The following SUCLG2 variants were observed in gnomAD, a reference collection of about 807,000 sequenced individuals.
SUCLG2 encodes the protein succinate--CoA ligase [GDP-forming] subunit beta, mitochondrial.
In SUCLG2, 42 loss-of-function variants were observed where a neutral mutation model predicts 47.9. The observed-to-expected ratio is 0.88, with a 90% CI of 0.69 to 1.14. The LOEUF is 1.14. Ranked by LOEUF, SUCLG2 falls within the 50% of genes most tolerant of loss-of-function variation. SUCLG2 has a pLI of 0.00. For missense variants in SUCLG2, 571 were observed against 525.9 expected (o/e 1.09, Z -0.84); for synonymous variants, 195 against 197.3 (o/e 0.99, Z 0.10).
chr3:67,535,328 T>C (rs1435875840), intron 2 of SUCLG2, among the ~76,000 whole-genome samples: 1 of 151,838 alleles, frequency 6.6e-6, no homozygotes, highest in Non-Finnish European at 1.5e-5. Flanking sequence ...AAAAGTGAGG[T>C]TGGAGGGTCC....
intron 9 of SUCLG2, among the ~76,000 whole-genome samples, chr3:67,477,469 C>A (rs1167640901): frequency 2.0e-5 from 3 of 152,086 alleles, no homozygotes; most frequent in Non-Finnish European, 2.9e-5. Context: ...CCGAGGCAGG[C>A]AGATAACTGG....
intron 6 of SUCLG2, chr3:67,514,446 C>A (rs949014302): frequency 4.0e-6 from 1 of 247,648 alleles, no homozygotes; most frequent in Non-Finnish European, 8.1e-6. Context: ...CATCAATATT[C>A]ACGTACGCCT....
At chr3:67,626,907 C>A (rs1406473287) in intron 1 of SUCLG2, among the ~76,000 whole-genome samples, 2 of 128,928 alleles carry the variant, frequency 1.6e-5, no homozygotes, top group Non-Finnish European at 3.2e-5. Context: ...GAGTGAGACT[C>A]CGTCTCAAAA....
chr3:67,418,083 C>T (rs1157385119), intron 9 of SUCLG2, among the ~76,000 whole-genome samples: 1 of 152,124 alleles, frequency 6.6e-6, no homozygotes, highest in Non-Finnish European at 1.5e-5. Flanking sequence ...ATCTCTGCAA[C>T]AAAAGCACTG....
intron 1 of SUCLG2, among the ~76,000 whole-genome samples, chr3:67,626,032 T>C (rs1400052541): frequency 6.6e-6 from 1 of 151,766 alleles, no homozygotes; most frequent in Non-Finnish European, 1.5e-5. Flanking sequence ...ACATTTTTTT[T>C]TTTTTTGAGA....
rs576354834 is a variant in SUCLG2, at chr3:67,615,009, T to C, written c.85-5413A>G. Among the ~76,000 whole-genome samples the C allele has an allele frequency of 1.4e-3, 217 of 152,296 alleles. 3 individuals are homozygous for C. Among genetic ancestry groups the C allele is most frequent in the African/African-American group, 5.1e-3 (211 of 41,554 alleles). On this transcript the variant is annotated intron_variant, in intron 1 of 10. Coordinates refer to ENST00000307227, the MANE Select transcript of SUCLG2 (RefSeq NM_003848.4). ...TACAATATCCTTGCCATCATTCCCT[T>C]CCTTCCTGCGTTTCTTTGATAGAGC...
At chr3:67,559,756 T>A (rs1707258873) in intron 2 of SUCLG2, among the ~76,000 whole-genome samples, 1 of 152,174 alleles carries the variant, frequency 6.6e-6, no homozygotes, top group African/African-American at 2.4e-5. Context: ...TCACAGAGAA[T>A]TTTCAGGGCA....
At chr3:67,577,238 T>A (rs116900331) in intron 2 of SUCLG2, among the ~76,000 whole-genome samples, 1 of 151,800 alleles carries the variant, frequency 6.6e-6, no homozygotes, top group African/African-American at 2.4e-5. Flanking sequence ...AACCCAGGAG[T>A]TGGAGGTTGC....
At chr3:67,380,551 C>A (rs769086532) in intron 10 of SUCLG2, among the ~76,000 whole-genome samples, 1 of 152,168 alleles carries the variant, frequency 6.6e-6, no homozygotes, top group Non-Finnish European at 1.5e-5. Flanking sequence ...TAAGCATATA[C>A]TAGGCATGCT....
intron 1 of SUCLG2, among the ~76,000 whole-genome samples, chr3:67,628,547 C>T (rs935306890): frequency 6.6e-6 from 1 of 152,128 alleles, no homozygotes; most frequent in African/African-American, 2.4e-5. Context: ...TTGGCTCTGT[C>T]CCCACTCAAA....
At chr3:67,582,005 A>C (rs748304641) in intron 2 of SUCLG2, among the ~76,000 whole-genome samples, 43 of 152,244 alleles carry the variant, frequency 2.8e-4, no homozygotes, top group Non-Finnish European at 1.3e-4. Context: ...AACTCTGTTT[A>C]GTTCTCAGGT....
chr3:67,563,695 C>T (rs1160679645), intron 2 of SUCLG2, among the ~76,000 whole-genome samples: 1 of 151,792 alleles, frequency 6.6e-6, no homozygotes, highest in Non-Finnish European at 1.5e-5. Context: ...CGCGGTGGCT[C>T]ATGTCTGTAA....
chr3:67,532,934 T>C (rs1429114353), intron 2 of SUCLG2, among the ~76,000 whole-genome samples: 3 of 152,170 alleles, frequency 2.0e-5, no homozygotes, highest in East Asian at 1.9e-4. Context: ...AATAGTCACA[T>C]GCTAGATAAT....
chr3:67,618,101 A>G (rs1435522171), intron 1 of SUCLG2, among the ~76,000 whole-genome samples: 5 of 152,194 alleles, frequency 3.3e-5, no homozygotes, highest in Admixed American at 6.5e-5. Flanking sequence ...AACTAGAAAA[A>G]TCTCACATTC....
chr3:67,592,718 CAAAAAAA>C (rs754866312), intron 2 of SUCLG2, among the ~76,000 whole-genome samples: 1 of 80,256 alleles, frequency 1.2e-5, no homozygotes, highest in African/African-American at 6.0e-5. Context: ...TCACATCCTC[CAAAAAAA>C]AAAAAAAAAA....
chr3:67,611,032 G>GA (rs1453417770), intron 1 of SUCLG2, among the ~76,000 whole-genome samples: 1 of 152,150 alleles, frequency 6.6e-6, no homozygotes, highest in Non-Finnish European at 1.5e-5. Context: ...ATGGCCAAAT[G>GA]AATCAACTCT....
intron 2 of SUCLG2, among the ~76,000 whole-genome samples, chr3:67,539,741 G>T (rs1324989953): frequency 6.6e-6 from 1 of 152,122 alleles, no homozygotes; most frequent in African/African-American, 2.4e-5. Context: ...TTCAGAACTT[G>T]TTATTGGTAT....
At chr3:67,633,228 T>C (rs1700956562) in intron 1 of SUCLG2, among the ~76,000 whole-genome samples, 1 of 152,252 alleles carries the variant, frequency 6.6e-6, no homozygotes, top group Non-Finnish European at 1.5e-5. Context: ...TTTTGGGCTG[T>C]TTTGCAGACT....
intron 1 of SUCLG2, among the ~76,000 whole-genome samples, chr3:67,613,503 C>T (rs1700569399): frequency 6.6e-6 from 1 of 152,196 alleles, no homozygotes; most frequent in South Asian, 2.1e-4. Context: ...ATCCCTCCTA[C>T]CCCATCGAAG....
Sources: allele counts gnomAD v4.1 joint callset (sites outside exome capture counted in the v4.1 genomes callset), GRCh38; gene constraint gnomAD v4.1.1; transcripts MANE v1.5; gene names NCBI Gene and HGNC (gene_info 2026-07-23, HGNC 2026-07-21).